WDR25: variants seen among roughly 807,000 people sequenced by gnomAD.
WDR25 encodes the protein WD repeat domain 25.
Under a neutral mutation model 47.7 loss-of-function variants are expected in WDR25, and 35 were observed. The observed-to-expected ratio is 0.73, with a 90% CI of 0.56 to 0.97. The LOEUF (loss-of-function observed/expected upper bound fraction) is 0.97, where lower values mean the gene tolerates loss of function less well. WDR25 is among the 50% of genes least tolerant of loss of function. The pLI, the probability that WDR25 is intolerant of heterozygous loss-of-function variation, is 0.00. For missense variants in WDR25, 634 were observed against 704.7 expected, an observed-to-expected ratio of 0.90 and a Z score of 1.14; for synonymous variants, 248 against 278.9, an observed-to-expected ratio of 0.89 and a Z score of 1.10.
intron 4 of WDR25, among the ~76,000 whole-genome samples, chr14:100,517,966 T>A (rs1296003158): frequency 6.6e-6 from 1 of 152,214 alleles, no homozygotes; most frequent in East Asian, 1.9e-4. Flanking sequence ...AAGATCCCCT[T>A]CCCAGACAAT....
intron 3 of WDR25, among the ~76,000 whole-genome samples, chr14:100,474,594 C>T (rs112309204): frequency 0.019 from 2,938 of 152,240 alleles, 63 homozygotes; most frequent in African/African-American, 0.052. Context: ...TGGCGAGTTC[C>T]GAGTTTCAGA....
At chr14:100,515,789 C>CTTT (rs11301950) in intron 4 of WDR25, among the ~76,000 whole-genome samples, 3 of 110,290 alleles carry the variant, frequency 2.7e-5, no homozygotes, top group Non-Finnish European at 3.6e-5. Context: ...CCACACCTTG[C>CTTT]TTTTTTTTTT....
rs184345971 is a variant in WDR25, at chr14:100,485,659, A to T, written c.1101+1535A>T. ...TTGTGAACATCTGCCTTGGTCCTAG[A>T]CAGGTGCAGCGTCCAAGCAGATATG... On this transcript the variant is annotated intron_variant, in intron 4 of 6. Coordinates refer to ENST00000402312, the MANE Select transcript of WDR25 (RefSeq NM_001161476.3). Among the ~76,000 whole-genome samples the T allele has an allele frequency of 2.1e-4, 32 of 152,280 alleles. No homozygotes were observed. The East Asian group carries it at 5.8e-3, about 28-fold the overall frequency.
chr14:100,403,810 C>T (rs190398798), intron 2 of WDR25, among the ~76,000 whole-genome samples: 57 of 152,272 alleles, frequency 3.7e-4, no homozygotes, highest in Non-Finnish European at 6.9e-4. Flanking sequence ...TTGAAATGCA[C>T]ATGAAGTGCT....
intron 3 of WDR25, among the ~76,000 whole-genome samples, chr14:100,479,463 C>CAAG (rs2140312913): frequency 6.6e-6 from 1 of 151,642 alleles, no homozygotes; most frequent in South Asian, 2.1e-4. Context: ...ATCAATTCAC[C>CAAG]AAGAAGCAGT....
chr14:100,463,590 C>T (rs965366223), intron 2 of WDR25, among the ~76,000 whole-genome samples: 1 of 152,228 alleles, frequency 6.6e-6, no homozygotes, highest in African/African-American at 2.4e-5. Flanking sequence ...TCATCCAGCT[C>T]AAGGCTGCGG....
chr14:100,433,614 G>A (rs1161198633), intron 2 of WDR25, among the ~76,000 whole-genome samples: 2 of 152,064 alleles, frequency 1.3e-5, no homozygotes, highest in Non-Finnish European at 2.9e-5. Flanking sequence ...CTATGATCAC[G>A]CTTGTCACGT....
chr14:100,478,123 C>CA (rs35991220), intron 3 of WDR25, among the ~76,000 whole-genome samples: 10 of 151,642 alleles, frequency 6.6e-5, no homozygotes, highest in African/African-American at 2.2e-4. Flanking sequence ...CAAAAACAAA[C>CA]AAAAAAACCT....
Position 100,449,755 on chromosome 14 carries a change from C to T in WDR25, c.823-18266C>T, listed in dbSNP as rs189618274. Among the ~76,000 whole-genome samples, 11 of 152,298 alleles carry T rather than the reference C, an allele frequency of 7.2e-5. No individual in the cohort carries two copies. Among genetic ancestry groups the T allele is most frequent in the African/African-American group, 1.9e-4 (8 of 41,562 alleles). On this transcript the variant is annotated intron_variant, in intron 2 of 6. Transcript: ENST00000402312. This position sits in a 1 kb window ranked among gnomAD's most constrained non-coding sequence, Gnocchi z 4.2. ...CAGCTCCTTGTCCTGGCTTAGGTGA[C>T]GCCTCCCCTCACTTGTAGAGGTGGC...
Position 100,468,774 on chromosome 14 carries a change from C to G in WDR25, c.970+606C>G, listed in dbSNP as rs1438765563. ...GTCAATACCCACCGCAGCCACAGCCCCCAGGTGGGCTCTCTCCGGGGTTTA... is the reference window on the plus strand; with the variant it reads ...GTCAATACCCACCGCAGCCACAGCCGCCAGGTGGGCTCTCTCCGGGGTTTA... On this transcript the variant is annotated intron_variant, in intron 3 of 6. Transcript: ENST00000402312. This position sits in a 1 kb window ranked among gnomAD's most constrained non-coding sequence, Gnocchi z 4.5. Among the ~76,000 whole-genome samples, 2 of 152,018 alleles carry G rather than the reference C, an allele frequency of 1.3e-5. No individual in the cohort carries two copies. The highest frequency in any genetic ancestry group is 2.9e-5 in the Non-Finnish European group (2 of 67,986).
At position 100,449,347 on chromosome 14, in the gene WDR25, G is replaced by A. The variant is rs1360458699; in HGVS notation, c.823-18674G>A. 1.1e-4 allele frequency among the ~76,000 whole-genome samples: 16 copies of A among 152,256 alleles called. No individual in the cohort carries two copies. The highest frequency in any genetic ancestry group is 9.8e-4 in the Admixed American group (15 of 15,286). Reference sequence around the variant, plus strand: ...TGGAGCCTGGCTACAGGGCTGCCCCGGGAGGCCTCCTTTGGGAGCAGAGAC... The same window carrying A: ...TGGAGCCTGGCTACAGGGCTGCCCCAGGAGGCCTCCTTTGGGAGCAGAGAC... On this transcript the variant is annotated intron_variant, in intron 2 of 6. Coordinates refer to ENST00000402312, the MANE Select transcript of WDR25 (RefSeq NM_001161476.3). The surrounding 1 kb of genome is among the most constrained non-coding windows in gnomAD (Gnocchi z 4.2).
In WDR25 at chr14:100,425,190, C is replaced by T. The variant is rs1333687463; in HGVS notation, c.823-42831C>T. On this transcript the variant is annotated intron_variant, in intron 2 of 6. Transcript: ENST00000402312. This position sits in a 1 kb window ranked among gnomAD's most constrained non-coding sequence, Gnocchi z 4.8. ...CTGCAGGGCTCAGGATCAAGTTCCT[C>T]TTCCTTGATGTGGGTCCTGGGTCCT... is the stretch of plus-strand genomic sequence containing the variant. Among the ~76,000 whole-genome samples the T allele has an allele frequency of 6.6e-6, 1 of 152,234 alleles. No individual in the cohort carries two copies. The highest frequency in any genetic ancestry group is 1.5e-5 in the Non-Finnish European group (1 of 68,044).
intron 2 of WDR25, among the ~76,000 whole-genome samples, chr14:100,460,127 T>G (rs1278849945): frequency 6.7e-6 from 1 of 148,980 alleles, no homozygotes; most frequent in African/African-American, 2.5e-5. Flanking sequence ...TTTTTTTTTT[T>G]TTTGAGACGG....
intron 3 of WDR25, among the ~76,000 whole-genome samples, chr14:100,471,270 A>C (rs1194431000): frequency 6.6e-6 from 1 of 152,104 alleles, no homozygotes; most frequent in East Asian, 1.9e-4. Context: ...GCAGCTGCTC[A>C]GTACCTGTGT....
chr14:100,523,490 G>A lies in WDR25; in HGVS notation c.1102-2380G>A, dbSNP rs1395617156. Among the ~76,000 whole-genome samples, 1 of 152,142 alleles carries A rather than the reference G, an allele frequency of 6.6e-6. No homozygotes were observed. The highest frequency in any genetic ancestry group is 1.5e-5 in the Non-Finnish European group (1 of 68,026). On this transcript the variant is annotated intron_variant, in intron 4 of 6. Transcript: ENST00000402312. This position sits in a 1 kb window ranked among gnomAD's most constrained non-coding sequence, Gnocchi z 4.7. ...ACCAGGAGTACTTAGAGGCTCAGAG[G>A]TGTGGTTGGGGCCCTCGTGTTGATG...
intron 4 of WDR25, among the ~76,000 whole-genome samples, chr14:100,513,887 T>C (rs138907922): frequency 6.6e-6 from 1 of 152,148 alleles, no homozygotes; most frequent in Admixed American, 6.5e-5. Context: ...GGTATTAATA[T>C]AGACATTCCT....
At chr14:100,464,321 GC>G (rs764647608) in intron 2 of WDR25, among the ~76,000 whole-genome samples, 15 of 152,152 alleles carry the variant, frequency 9.9e-5, no homozygotes, top group Admixed American at 2.0e-4. Context: ...CACCATTTCA[GC>G]CCCTTCCCTT....
At chr14:100,491,783 G>C (rs913852111) in intron 4 of WDR25, among the ~76,000 whole-genome samples, 3 of 152,218 alleles carry the variant, frequency 2.0e-5, no homozygotes, top group African/African-American at 7.2e-5. Context: ...CTCCGTGCCT[G>C]GTGTCAGGAC....
At chr14:100,423,405 A>G (rs375654895) in intron 2 of WDR25, among the ~76,000 whole-genome samples, 13 of 152,148 alleles carry the variant, frequency 8.5e-5, no homozygotes, top group East Asian at 3.9e-4. Flanking sequence ...TGGGCCACAT[A>G]GCACCCAATT....
Sources: allele counts gnomAD v4.1 joint callset (sites outside exome capture counted in the v4.1 genomes callset), GRCh38; gene constraint gnomAD v4.1.1; non-coding constraint Gnocchi (gnomAD v3.1); transcripts MANE v1.5; gene names NCBI Gene and HGNC (gene_info 2026-07-23, HGNC 2026-07-21).